SEMA6D: variants seen among roughly 807,000 people sequenced by gnomAD.
SEMA6D encodes semaphorin 6D, also known as semaphorin-6D.
SEMA6D carries 35 observed loss-of-function variants against 106.6 expected under a neutral mutation model. The ratio of observed to expected loss-of-function variants is 0.33; its 90% CI spans 0.25 to 0.44. The LOEUF is 0.44. Ranked by LOEUF, SEMA6D falls within the 20% of genes least tolerant of loss-of-function variation. SEMA6D has a pLI of 1.00. For synonymous variants in SEMA6D, 499 were observed against 487.7 expected (o/e 1.02, Z -0.31); for missense variants, 1,185 against 1,345.9 (o/e 0.88, Z 1.87).
chr15:47,705,490 C>A (rs2078896451), intron 4 of SEMA6D, among the ~76,000 whole-genome samples: 1 of 152,150 alleles, frequency 6.6e-6, no homozygotes, highest in African/African-American at 2.4e-5. Flanking sequence ...AACTTGTGCC[C>A]TTTGTACTTA....
At chr15:47,248,194 T>C (rs920050446) in intron 1 of SEMA6D, among the ~76,000 whole-genome samples, 1 of 152,180 alleles carries the variant, frequency 6.6e-6, no homozygotes, top group East Asian at 1.9e-4. Flanking sequence ...TTCTTACTTA[T>C]TCTTAAATCA....
intron 1 of SEMA6D, among the ~76,000 whole-genome samples, chr15:47,727,869 GGTCAGGA>G (rs2079862290): frequency 5.3e-5 from 8 of 152,292 alleles, no homozygotes; most frequent in African/African-American, 1.9e-4. Flanking sequence ...TGCCTGCTGC[GGTCAGGA>G]TGGAATTTTT....
chr15:47,767,398 G>T (rs2082401920), intron 17 of SEMA6D: 1 of 241,318 alleles, frequency 4.1e-6, no homozygotes, highest in Non-Finnish European at 7.9e-6. Flanking sequence ...TCTTTGCATT[G>T]TGAATGTTTC....
chr15:47,559,211 A>G (rs2046006446), intron 3 of SEMA6D, among the ~76,000 whole-genome samples: 1 of 152,134 alleles, frequency 6.6e-6, no homozygotes, highest in Non-Finnish European at 1.5e-5. Context: ...AATATTGAAA[A>G]AAAGTCTTAA....
intron 3 of SEMA6D, among the ~76,000 whole-genome samples, chr15:47,542,250 T>G (rs1320070771): frequency 6.6e-6 from 1 of 152,206 alleles, no homozygotes; most frequent in Non-Finnish European, 1.5e-5. Flanking sequence ...CTGACAAGAA[T>G]ATTTTTTGAT....
chr15:47,753,807 G>A (rs985058452), intron 1 of SEMA6D, among the ~76,000 whole-genome samples: 2 of 152,104 alleles, frequency 1.3e-5, no homozygotes, highest in South Asian at 2.1e-4. Context: ...AAGAGTCATC[G>A]GGAAACTAAA....
intron 2 of SEMA6D, among the ~76,000 whole-genome samples, chr15:47,441,395 G>C (rs915985429): frequency 6.6e-6 from 1 of 152,110 alleles, no homozygotes; most frequent in Non-Finnish European, 1.5e-5. Context: ...AGTTGGGAGG[G>C]TAGGAACAAG....
chr15:47,766,471 C>G (rs1386712186), intron 15 of SEMA6D, 145 bp from the exon 16 acceptor site: 2 of 706,190 alleles, frequency 2.8e-6, no homozygotes, highest in Non-Finnish European at 4.7e-6. Context: ...GTCATTTTAG[C>G]AAGTTATGTT....
intron 1 of SEMA6D, among the ~76,000 whole-genome samples, chr15:47,259,678 A>T (rs1478146116): frequency 6.6e-6 from 1 of 152,052 alleles, no homozygotes; most frequent in African/African-American, 2.4e-5. Context: ...GATTTATCTT[A>T]TTTGGCATTA....
chr15:47,589,228 A>G (rs2076395412), intron 3 of SEMA6D, among the ~76,000 whole-genome samples: 1 of 152,162 alleles, frequency 6.6e-6, no homozygotes, highest in Non-Finnish European at 1.5e-5. Flanking sequence ...CACCACCTCC[A>G]TTCTGGTGGC....
chr15:47,391,672 T>G (rs921753365), intron 1 of SEMA6D, among the ~76,000 whole-genome samples: 3 of 152,006 alleles, frequency 2.0e-5, no homozygotes, highest in African/African-American at 7.3e-5. Flanking sequence ...TTTTTTTTTT[T>G]TTGTAAGAGG....
intron 1 of SEMA6D, among the ~76,000 whole-genome samples, chr15:47,247,418 A>G (rs539674892): frequency 1.3e-5 from 2 of 152,208 alleles, no homozygotes; most frequent in African/African-American, 4.8e-5. Context: ...TGTTCCTCCT[A>G]TATAGCAAAA....
At chr15:47,663,134 T>C (rs1008804799) in intron 4 of SEMA6D, among the ~76,000 whole-genome samples, 1 of 152,170 alleles carries the variant, frequency 6.6e-6, no homozygotes, top group Admixed American at 6.5e-5. Flanking sequence ...TTATAAGGCA[T>C]CTAACAGTGT....
Position 47,494,978 on chromosome 15 carries a change from G to T in SEMA6D, c.-87+24433G>T, listed in dbSNP as rs564740962. Among the ~76,000 whole-genome samples, 35 of 151,178 alleles carry T rather than the reference G, an allele frequency of 2.3e-4. 1 individual carries two copies. The highest frequency in any genetic ancestry group is 1.5e-3 in the Admixed American group (22 of 15,130). On this transcript the variant is annotated intron_variant, in intron 3 of 19. Transcript: ENST00000558014. ...ATGCATTTGGCTTTGGGGTTTTGTAGTAATGTTTAACTATTCCCACGCTTT... is the reference window on the plus strand; with the variant it reads ...ATGCATTTGGCTTTGGGGTTTTGTATTAATGTTTAACTATTCCCACGCTTT...
intron 3 of SEMA6D, among the ~76,000 whole-genome samples, chr15:47,594,023 C>T (rs955686094): frequency 3.3e-5 from 5 of 152,152 alleles, no homozygotes; most frequent in South Asian, 2.1e-4. Context: ...AGATCCAAAC[C>T]GTATCAAATG....
intron 4 of SEMA6D, among the ~76,000 whole-genome samples, chr15:47,632,138 T>C (rs895556298): frequency 6.6e-5 from 10 of 152,010 alleles, no homozygotes; most frequent in Admixed American, 5.9e-4. Flanking sequence ...GTTTTCTTCC[T>C]AGTTTGATTC....
intron 2 of SEMA6D, among the ~76,000 whole-genome samples, chr15:47,455,639 G>C (rs1003501248): frequency 6.6e-6 from 1 of 151,854 alleles, no homozygotes; most frequent in African/African-American, 2.4e-5. Flanking sequence ...GCCTGGTAGT[G>C]GTCCTCACCT....
At chr15:47,766,992 T>C (rs1425034302) in intron 16 of SEMA6D, 45 bp from the exon 17 acceptor site, 1 of 1,231,146 alleles carries the variant, frequency 8.1e-7, no homozygotes, top group African/African-American at 1.6e-5. Flanking sequence ...TTTTGCTTTC[T>C]TTTGGTTACT....
chr15:47,529,794 AT>A (rs1440458996), intron 3 of SEMA6D, among the ~76,000 whole-genome samples: 1 of 152,042 alleles, frequency 6.6e-6, no homozygotes, highest in Non-Finnish European at 1.5e-5. Flanking sequence ...TATCATATTT[AT>A]TTTTCAAAAC....
Sources: gnomAD v4.1 joint callset for allele counts (sites outside exome capture counted in the v4.1 genomes callset) on GRCh38, gnomAD v4.1.1 for gene constraint, MANE v1.5 for transcripts, NCBI Gene and HGNC (gene_info 2026-07-23, HGNC 2026-07-21) for gene names.